SRGN: variants seen among roughly 807,000 people sequenced by gnomAD.
SRGN encodes the protein hematopoetic proteoglycan core peptide.
SRGN carries 2 observed loss-of-function variants against 9.5 expected under a neutral mutation model. The ratio of observed to expected loss-of-function variants is 0.21; its 90% CI spans 0.09 to 0.66. SRGN has a LOEUF of 0.66. Among genes scored for constraint, SRGN ranks in the 30% least tolerant of loss-of-function variants. The pLI, the probability that SRGN is intolerant of heterozygous loss-of-function variation, is 0.83. For missense variants in SRGN, 170 were observed against 192.4 expected, an observed-to-expected ratio of 0.88 and a Z score of 0.69; for synonymous variants, 59 against 72.3, an observed-to-expected ratio of 0.82 and a Z score of 0.93.
At chr10:69,090,011 T>A (rs1280955713) in intron 1 of SRGN, among the ~76,000 whole-genome samples, 1 of 152,190 alleles carries the variant, frequency 6.6e-6, no homozygotes, top group African/African-American at 2.4e-5. Flanking sequence ...CTCGTAGGTT[T>A]AGCTCTTTGT....
chr10:69,097,921 T>C (rs987069747), intron 2 of SRGN, among the ~76,000 whole-genome samples: 1 of 152,006 alleles, frequency 6.6e-6, no homozygotes, highest in African/African-American at 2.4e-5. Flanking sequence ...GATGTGGGAG[T>C]GTTTTTCTTC....
intron 1 of SRGN, among the ~76,000 whole-genome samples, chr10:69,090,314 T>C (rs1454507344): frequency 6.6e-6 from 1 of 152,240 alleles, no homozygotes; most frequent in Non-Finnish European, 1.5e-5. Flanking sequence ...TGAAATCAAC[T>C]AGGCTTTTGG....
intron 1 of SRGN, among the ~76,000 whole-genome samples, chr10:69,091,433 C>T (rs1346201889): frequency 1.3e-5 from 2 of 152,174 alleles, no homozygotes; most frequent in East Asian, 3.8e-4. Context: ...GTGGGGGAAG[C>T]TTATCCATCT....
chr10:69,088,083 G>GTTT, upstream of SRGN: 1 of 1,276,026 alleles, frequency 7.8e-7, no homozygotes, highest in Non-Finnish European at 1.1e-6. Context: ...TTTTCTAAAA[G>GTTT]GGACAGAGAG....
At chr10:69,103,261 A>G (rs1043409335) in intron 2 of SRGN, among the ~76,000 whole-genome samples, 10 of 150,948 alleles carry the variant, frequency 6.6e-5, no homozygotes, top group Admixed American at 1.3e-4. Flanking sequence ...TTTAAAAATG[A>G]TTTCTTGGGC....
chr10:69,093,828 A>G (rs937096358), intron 1 of SRGN, among the ~76,000 whole-genome samples: 2 of 152,154 alleles, frequency 1.3e-5, no homozygotes, highest in Non-Finnish European at 2.9e-5. Flanking sequence ...GATGTGCCAC[A>G]GCACTCCAGC....
At chr10:69,098,116 G>A (rs963131364) in intron 2 of SRGN, among the ~76,000 whole-genome samples, 1 of 152,066 alleles carries the variant, frequency 6.6e-6, no homozygotes, top group African/African-American at 2.4e-5. Flanking sequence ...TTCATCAACA[G>A]GTATTGAAAA....
intron 2 of SRGN, among the ~76,000 whole-genome samples, chr10:69,101,862 G>T (rs953607118): frequency 6.6e-6 from 1 of 152,102 alleles, no homozygotes; most frequent in East Asian, 1.9e-4. Context: ...GCCTGCCTGG[G>T]CAACATAGTG....
chr10:69,097,686 C>A (rs1840207317), intron 2 of SRGN, among the ~76,000 whole-genome samples: 1 of 152,110 alleles, frequency 6.6e-6, no homozygotes, highest in African/African-American at 2.4e-5. Context: ...CTTGACCTCC[C>A]AAAATGCTGG....
rs924157771 is a variant in SRGN, at chr10:69,104,243, T to A, written c.*123T>A. The A allele has an allele frequency of 1.5e-6, 2 of 1,310,020 alleles. No homozygotes were observed. The highest frequency in any genetic ancestry group is 2.1e-6 in the Non-Finnish European group (2 of 963,778). 81.1% of individuals were successfully genotyped at this position (1,310,020 alleles called of 1,614,324 possible). On this transcript the variant is annotated 3_prime_UTR_variant, in exon 3 of 3. Transcript: ENST00000242465. ...TTTTTAAACATCTGAAAAAGAAGCT[T>A]AAGTTTTATCATCCTTTTTTTTCTC... is the stretch of plus-strand genomic sequence containing the variant.
Position 69,088,785 on chromosome 10 carries a change from A to G in SRGN, c.79+549A>G, listed in dbSNP as rs201240134. 3.9e-5 allele frequency among the ~76,000 whole-genome samples: 6 copies of G among 152,132 alleles called. No individual in the cohort carries two copies. In the East Asian group the frequency reaches 1.2e-3, roughly 29 times the overall value. On this transcript the variant is annotated intron_variant, in intron 1 of 2. Transcript: ENST00000242465. ...AATTATGGTTAGACATAGTTCATGT[A>G]AAACCTCTCAGATTTTAAAGAGAAG...
intron 2 of SRGN, among the ~76,000 whole-genome samples, chr10:69,101,758 G>A (rs2132161201): frequency 6.6e-6 from 1 of 152,172 alleles, no homozygotes; most frequent in Non-Finnish European, 1.5e-5. Context: ...ATCCTTAATT[G>A]CCTTCAAAAA....
intron 1 of SRGN, among the ~76,000 whole-genome samples, chr10:69,093,556 G>A (rs1321362055): frequency 1.3e-5 from 2 of 152,140 alleles, no homozygotes. Context: ...CTAAACTAAT[G>A]CTGCCTCAGG....
chr10:69,100,140 C>T (rs911849101), intron 2 of SRGN, among the ~76,000 whole-genome samples: 1 of 152,080 alleles, frequency 6.6e-6, no homozygotes, highest in Admixed American at 6.5e-5. Flanking sequence ...ACTGGGAGGC[C>T]AAGGCAGGCA....
intron 2 of SRGN, chr10:69,098,942 G>A (rs949536436): frequency 1.3e-5 from 2 of 151,794 alleles, no homozygotes; most frequent in African/African-American, 4.8e-5. Flanking sequence ...AGGCAACAGA[G>A]TAAGACTCTG....
At chr10:69,098,349 A>T (rs1418580020) in intron 2 of SRGN, 1 of 152,342 alleles carries the variant, frequency 6.6e-6, no homozygotes, top group Admixed American at 6.5e-5. Context: ...GTATGATTCC[A>T]TTTAGATGAA....
intron 1 of SRGN, among the ~76,000 whole-genome samples, chr10:69,092,261 A>G (rs1352255968): frequency 6.6e-6 from 1 of 152,114 alleles, no homozygotes; most frequent in East Asian, 1.9e-4. Context: ...TACTCTCACA[A>G]CCTCAGGGGC....
At chr10:69,102,245 G>A (rs575096304) in intron 2 of SRGN, among the ~76,000 whole-genome samples, 4 of 152,136 alleles carry the variant, frequency 2.6e-5, no homozygotes, top group South Asian at 2.1e-4. Context: ...GACCTCCATC[G>A]GTTGCATGGG....
chr10:69,089,885 G>A (rs146085240), intron 1 of SRGN, among the ~76,000 whole-genome samples: 1 of 151,954 alleles, frequency 6.6e-6, no homozygotes, highest in East Asian at 1.9e-4. Context: ...GACAGTGCAA[G>A]ACTCTGTCAG....
Sources: allele counts gnomAD v4.1 joint callset (sites outside exome capture counted in the v4.1 genomes callset), GRCh38; gene constraint gnomAD v4.1.1; transcripts MANE v1.5; gene names NCBI Gene and HGNC (gene_info 2026-07-23, HGNC 2026-07-21).